Variants in ZFHX3 observed in about 807,000 individuals in gnomAD.
ZFHX3 encodes zinc finger homeobox protein 3.
ZFHX3 carries 42 observed loss-of-function variants against 279.1 expected under a neutral mutation model. That is an observed-to-expected ratio of 0.15 (90% CI 0.12 to 0.19). The LOEUF is 0.19. Among genes scored for constraint, ZFHX3 ranks in the 10% least tolerant of loss-of-function variants. The pLI, the probability that ZFHX3 is intolerant of heterozygous loss-of-function variation, is 1.00. For synonymous variants in ZFHX3, 2,293 were observed against 1,957.8 expected, an observed-to-expected ratio of 1.17 and a Z score of -4.52; for missense variants, 4,981 against 4,754.0, an observed-to-expected ratio of 1.05 and a Z score of -1.40.
At chr16:73,584,991 C>T (rs2051908939) in intron 2 of ZFHX3, among the ~76,000 whole-genome samples, 1 of 152,206 alleles carries the variant, frequency 6.6e-6, no homozygotes, top group African/African-American at 2.4e-5. Context: ...CTCAACATCA[C>T]TAATCATTAA....
chr16:73,408,152 C>A (rs2017401071), intron 3 of ZFHX3, among the ~76,000 whole-genome samples: 1 of 151,796 alleles, frequency 6.6e-6, no homozygotes, highest in Non-Finnish European at 1.5e-5. Context: ...GCCTGGGACC[C>A]AAACAGATGG....
intron 1 of ZFHX3, among the ~76,000 whole-genome samples, chr16:73,727,306 T>C (rs919889755): frequency 2.0e-5 from 3 of 152,204 alleles, no homozygotes; most frequent in Admixed American, 1.3e-4. Flanking sequence ...CTCCTTCAGC[T>C]ACCATTGAGA....
intron 3 of ZFHX3, among the ~76,000 whole-genome samples, chr16:73,397,099 G>A (rs2017145870): frequency 6.6e-6 from 1 of 152,196 alleles, no homozygotes; most frequent in Non-Finnish European, 1.5e-5. Context: ...GGACATCTTT[G>A]TCATAGCCTT....
chr16:73,698,315 C>G (rs1009309293), intron 1 of ZFHX3, among the ~76,000 whole-genome samples: 1 of 151,964 alleles, frequency 6.6e-6, no homozygotes, highest in East Asian at 1.9e-4. Flanking sequence ...ATTCCAATTA[C>G]TTAATGTGGA....
chr16:73,147,244 C>G (rs1278629703), intron 5 of ZFHX3, among the ~76,000 whole-genome samples: 1 of 152,170 alleles, frequency 6.6e-6, no homozygotes, highest in Non-Finnish European at 1.5e-5. Context: ...ATCCACCCAA[C>G]ACAGGTACAA....
chr16:73,171,837 A>C (rs1967532959), intron 5 of ZFHX3, among the ~76,000 whole-genome samples: 1 of 152,190 alleles, frequency 6.6e-6, no homozygotes, highest in Non-Finnish European at 1.5e-5. Context: ...TGAATGGGCA[A>C]AAATGCCCTC....
rs145846543 is a variant in ZFHX3, at chr16:73,183,637, TG to T, written c.-1103-39807del. ...CAGACTTCACACGCTGTCTTACGTT[TG>T]GGAAAACTCTGCGCTATCCTTTATT... On this transcript the variant is annotated intron_variant, in intron 5 of 17. Transcript: ENST00000641206. Among the ~76,000 whole-genome samples, 1,024 of 152,354 alleles carry T rather than the reference TG, an allele frequency of 6.7e-3. 12 individuals are homozygous for T. Among genetic ancestry groups the T allele is most frequent in the African/African-American group, 0.023 (976 of 41,592 alleles).
In ZFHX3 at chr16:72,788,346, G is replaced by A; in HGVS notation, c.9930C>T (p.Tyr3310=). Residue 3310 remains tyrosine (Y), a synonymous_variant, in exon 10 of 10, where the codon TAC becomes TAT. Coordinates refer to ENST00000268489, the MANE Select transcript of ZFHX3 (RefSeq NM_006885.4). ...TALLTSQFLP[Y]FVPGFSPYYA... The stretch of plus-strand genomic sequence containing the variant: ...AATAAGGAGAAAAGCCTGGTACAAA[G>A]TAAGGAAGGAACTGGCTTGTGAGCA... The A allele has an allele frequency of 6.2e-7, 1 of 1,614,210 alleles. No individual in the cohort carries two copies.
At chr16:73,148,555 CTTTTTTTTTTTT>C (rs36018349) in intron 5 of ZFHX3, among the ~76,000 whole-genome samples, 3 of 55,382 alleles carry the variant, frequency 5.4e-5, no homozygotes, top group East Asian at 1.5e-3. Context: ...AAATGCTGGG[CTTTTTTTTTTTT>C]TTTTTTTTTT....
chr16:73,470,277 G>A (rs79383016), intron 2 of ZFHX3, among the ~76,000 whole-genome samples: 17,182 of 152,100 alleles, frequency 0.11, 1,131 homozygotes, highest in South Asian at 0.26. Context: ...AAGCTGTCTC[G>A]TCCTGTAATA....
chr16:72,938,558 G>A (rs1960243785), intron 3 of ZFHX3, among the ~76,000 whole-genome samples: 1 of 152,184 alleles, frequency 6.6e-6, no homozygotes, highest in South Asian at 2.1e-4. Flanking sequence ...TGGGTCCCTC[G>A]GGAAGCTAGC....
chr16:73,376,974 C>CT (rs11399068), intron 3 of ZFHX3, among the ~76,000 whole-genome samples: 113,262 of 139,616 alleles, frequency 0.81, 46,686 homozygotes, highest in Non-Finnish European at 0.9. Flanking sequence ...ATCATGACTG[C>CT]TTTTTTTTTT....
chr16:73,290,678 C>T (rs527332173), intron 4 of ZFHX3, among the ~76,000 whole-genome samples: 1 of 152,196 alleles, frequency 6.6e-6, no homozygotes, highest in Non-Finnish European at 1.5e-5. Flanking sequence ...AGCTGCTTGT[C>T]TTTCACTGGG....
At position 73,531,640 on chromosome 16, in the gene ZFHX3, A is replaced by T. The variant is rs147440712; in HGVS notation, c.-1546-75382T>A. On this transcript the variant is annotated intron_variant, in intron 2 of 17. Transcript: ENST00000641206. Reference sequence around the variant, plus strand: ...TGAGGCAGGAGGATGGCTTGAGCCCATGAGCTAGAGGTTACAGTAAGCTAT... The same window carrying T: ...TGAGGCAGGAGGATGGCTTGAGCCCTTGAGCTAGAGGTTACAGTAAGCTAT... Among the ~76,000 whole-genome samples the T allele has an allele frequency of 9.3e-4, 139 of 148,918 alleles. 1 individual carries two copies. The highest frequency in any genetic ancestry group is 3.4e-3 in the African/African-American group (135 of 40,208).
chr16:73,213,825 C>T (rs1024767369), intron 5 of ZFHX3, among the ~76,000 whole-genome samples: 18 of 152,118 alleles, frequency 1.2e-4, no homozygotes, highest in African/African-American at 3.9e-4. Flanking sequence ...AGATACATGT[C>T]TCAAATTCTG....
chr16:73,263,003 G>A (rs1462084670), intron 4 of ZFHX3, among the ~76,000 whole-genome samples: 3 of 152,120 alleles, frequency 2.0e-5, no homozygotes, highest in Admixed American at 2.0e-4. Context: ...CACCGAGTTG[G>A]TTCAGATTAG....
chr16:73,858,048 A>G (rs142881415), intron 1 of ZFHX3, among the ~76,000 whole-genome samples: 126 of 151,936 alleles, frequency 8.3e-4, no homozygotes, highest in African/African-American at 2.9e-3. Context: ...GTGAGCTGAT[A>G]TCAGGCCACT....
chr16:73,161,514 G>A (rs1386044588), intron 5 of ZFHX3, among the ~76,000 whole-genome samples: 8 of 152,196 alleles, frequency 5.3e-5, no homozygotes, highest in Admixed American at 3.3e-4. Context: ...GCCTAGCAGA[G>A]GGCATTGTTT....
At chr16:73,119,378 A>G (rs1209157264) in intron 7 of ZFHX3, among the ~76,000 whole-genome samples, 1 of 152,152 alleles carries the variant, frequency 6.6e-6, no homozygotes, top group Non-Finnish European at 1.5e-5. Flanking sequence ...AAGTTCTGGG[A>G]TTACAGGTGT....
Sources: allele counts gnomAD v4.1 joint callset (sites outside exome capture counted in the v4.1 genomes callset), GRCh38; gene constraint gnomAD v4.1.1; transcripts MANE v1.5; gene names NCBI Gene and HGNC (gene_info 2026-07-23, HGNC 2026-07-21).